SLC7A6OS: variants seen among roughly 807,000 people sequenced by gnomAD.
SLC7A6OS encodes solute carrier family 7 member 6 opposite strand, also known as probable RNA polymerase II nuclear localization protein SLC7A6OS.
A neutral mutation model predicts 34.3 loss-of-function variants in SLC7A6OS; 22 were observed. The observed-to-expected ratio is 0.64, with a 90% CI of 0.46 to 0.92. SLC7A6OS has a LOEUF of 0.92. Ranked by LOEUF, SLC7A6OS falls within the 40% of genes least tolerant of loss-of-function variation. The pLI is 0.00. For synonymous variants in SLC7A6OS, 199 were observed against 165.0 expected (o/e 1.21, Z -1.58); for missense variants, 434 against 407.7 (o/e 1.06, Z -0.56).
Position 68,300,774 on chromosome 16 carries a change from T to G in SLC7A6OS, c.*501A>C. On this transcript the variant is annotated 3_prime_UTR_variant, in exon 5 of 5. Transcript: ENST00000263997. ...AACTAAAATCTCCCACTGCTCAGACTACTTTCTGCCCTAATGGCCATTACT... is the reference window on the plus strand; with the variant it reads ...AACTAAAATCTCCCACTGCTCAGACGACTTTCTGCCCTAATGGCCATTACT... The G allele has an allele frequency of 1.0e-6, 1 of 985,424 alleles. No homozygotes were observed. The highest frequency in any genetic ancestry group is 4.7e-5 in the South Asian group (1 of 21,292). 61.0% of individuals were successfully genotyped at this position (985,424 alleles called of 1,614,324 possible).
rs372855610 is a variant in SLC7A6OS, at chr16:68,310,858, A to G, written c.69T>C (p.Leu23=). 94 of 1,612,190 alleles carry G rather than the reference A, an allele frequency of 5.8e-5. No homozygotes were observed. Among genetic ancestry groups the G allele is most frequent in the Non-Finnish European group, 7.7e-5 (91 of 1,179,632 alleles). ...RKRSAEPAEA[L]VLACKRLRSD... ...TCCGGAGGCGTTTACAAGCGAGCACAAGAGCCTCCGCCGGCTCCGCACTGC... is the reference window on the plus strand; with the variant it reads ...TCCGGAGGCGTTTACAAGCGAGCACGAGAGCCTCCGCCGGCTCCGCACTGC... Residue 23 remains leucine, a synonymous_variant, in exon 1 of 5, where the codon CTT becomes CTC. Coordinates refer to ENST00000263997, the MANE Select transcript of SLC7A6OS (RefSeq NM_032178.3).
chr16:68,300,015 A>C lies in SLC7A6OS; in HGVS notation c.*1260T>G, dbSNP rs995963706. 2 of 152,204 alleles carry C rather than the reference A, an allele frequency of 1.3e-5. No individual in the cohort carries two copies. The highest frequency in any genetic ancestry group is 4.8e-5 in the African/African-American group (2 of 41,430). 9.4% of individuals were successfully genotyped at this position (152,204 alleles called of 1,614,324 possible). On this transcript the variant is annotated 3_prime_UTR_variant, in exon 5 of 5. Transcript: ENST00000263997. ...GGAAATCCTAAAAGAGGCGGCAAGA[A>C]GGTACCTCCCTGTGTAACTCACCTT... is the stretch of plus-strand genomic sequence containing the variant.
At chr16:68,303,941 G>T (rs754274503) in intron 3 of SLC7A6OS, 85 bp downstream of exon 3, 115 of 1,219,644 alleles carry the variant, frequency 9.4e-5, no homozygotes, top group Non-Finnish European at 1.3e-4. Flanking sequence ...TGTTGTTCGG[G>T]AGTGGAGCCC....
At chr16:68,310,664 G>A in intron 1 of SLC7A6OS, 51 bp from the exon 2 acceptor site, 1 of 1,580,758 alleles carries the variant, frequency 6.3e-7, no homozygotes, top group Non-Finnish European at 8.6e-7. Flanking sequence ...TTCGCGAGCG[G>A]GTCAGGGATC....
chr16:68,299,512 A>G lies in SLC7A6OS; in HGVS notation c.*1763T>C, dbSNP rs2043232556. The G allele has an allele frequency of 6.6e-6, 1 of 152,582 alleles. No homozygotes were observed. The allele number at this position is 152,582 out of a possible 1,614,324, so 9.5% of individuals were successfully genotyped here. A position where few individuals can be genotyped will look rare whatever the true frequency, so the allele number is the denominator to read the frequency against. ...TACAGCACTCAAGCTTCATGGTGGA[A>G]TTAATTTCTGCCAGCTCTTTGTTGT... On this transcript the variant is annotated 3_prime_UTR_variant, in exon 5 of 5. Coordinates refer to ENST00000263997, the MANE Select transcript of SLC7A6OS (RefSeq NM_032178.3).
chr16:68,310,284 T>C (rs570463026), intron 2 of SLC7A6OS, 51 bp downstream of exon 2: 3 of 1,520,724 alleles, frequency 2.0e-6, no homozygotes, highest in East Asian at 2.3e-5. Flanking sequence ...CCCAGTCTTC[T>C]TGCATTACCA....
At chr16:68,307,578 T>G (rs1289265273) in intron 2 of SLC7A6OS, among the ~76,000 whole-genome samples, 3 of 152,218 alleles carry the variant, frequency 2.0e-5, no homozygotes, top group South Asian at 2.1e-4. Context: ...TGGCTTTAGA[T>G]CCAAACAATA....
intron 2 of SLC7A6OS, among the ~76,000 whole-genome samples, chr16:68,306,657 AATT>A (rs756701901): frequency 7.2e-5 from 11 of 152,016 alleles, no homozygotes; most frequent in Non-Finnish European, 1.5e-4. Flanking sequence ...GAAGAAAAAT[AATT>A]ATTATTATTT....
In SLC7A6OS at chr16:68,302,202, C is replaced by A. The variant is rs373146392; in HGVS notation, c.799+179G>T. The A allele has an allele frequency of 4.6e-6, 3 of 654,796 alleles. No homozygotes were observed. The East Asian group carries it at 7.9e-5, about 17-fold the overall frequency. The allele number at this position is 654,796 out of a possible 1,614,324, so 40.6% of individuals were successfully genotyped here. ...ATCCAGGCCTGATGGATTATTACACCCCCAGGAGGCCCCTGGGAAACACTG... is the reference window on the plus strand; with the variant it reads ...ATCCAGGCCTGATGGATTATTACACACCCAGGAGGCCCCTGGGAAACACTG... On this transcript the variant is annotated intron_variant, in intron 4 of 4. Transcript: ENST00000263997.
intron 4 of SLC7A6OS, 32 bp from the exon 5 acceptor site, chr16:68,301,437 T>A: frequency 6.2e-7 from 1 of 1,603,424 alleles, no homozygotes; most frequent in Non-Finnish European, 8.5e-7. Context: ...GGATTCTAAA[T>A]GTGATTTTCC....
In SLC7A6OS at chr16:68,300,937, C is replaced by T; in HGVS notation, c.*338G>A. The T allele has an allele frequency of 9.9e-7, 1 of 1,007,514 alleles. No individual in the cohort carries two copies. The highest frequency in any genetic ancestry group is 1.2e-6 in the Non-Finnish European group (1 of 844,608). The allele number at this position is 1,007,514 out of a possible 1,614,324, so 62.4% of individuals were successfully genotyped here. On this transcript the variant is annotated 3_prime_UTR_variant, in exon 5 of 5. Coordinates refer to ENST00000263997, the MANE Select transcript of SLC7A6OS (RefSeq NM_032178.3). ...ACTGCTAATGAAATGGGAACCTCCC[C>T]CTCCCTTGTGGTTTCAGCACAGAAC...
At chr16:68,302,810 A>C (rs993954347) in intron 3 of SLC7A6OS, among the ~76,000 whole-genome samples, 3 of 152,200 alleles carry the variant, frequency 2.0e-5, no homozygotes, top group African/African-American at 7.2e-5. Context: ...ACCCAAGCGT[A>C]AGAGGTGCGG....
At position 68,310,740 on chromosome 16, in the gene SLC7A6OS, A is replaced by G. The variant is rs1276384236; in HGVS notation, c.187T>C (p.Ser63Pro). The G allele has an allele frequency of 1.2e-6, 2 of 1,607,044 alleles. No homozygotes were observed. The highest frequency in any genetic ancestry group is 1.7e-6 in the Non-Finnish European group (2 of 1,175,210). Reference sequence around the variant, plus strand: ...AGCTGCACCACGCCCAATACCTGGGAGCACACAGTGGCCACCAAGTGGAAG... The same window carrying G: ...AGCTGCACCACGCCCAATACCTGGGGGCACACAGTGGCCACCAAGTGGAAG... ...NVFHLVATVC[S>P]QEEPVQPLLR... The change falls in exon 1 of 5, where the codon TCC becomes CCC. Residue 63 changes from serine (S) to proline (P), a missense_variant. Ser to Pro is a moderately conservative substitution (Grantham distance 74). Coordinates refer to ENST00000263997, the MANE Select transcript of SLC7A6OS (RefSeq NM_032178.3).
intron 2 of SLC7A6OS, among the ~76,000 whole-genome samples, chr16:68,308,593 C>G (rs2043343701): frequency 6.6e-6 from 1 of 152,112 alleles, no homozygotes; most frequent in Admixed American, 6.5e-5. Flanking sequence ...CGCCACTGCA[C>G]TACAGCCTGG....
At chr16:68,305,721 C>T (rs994187410) in intron 2 of SLC7A6OS, among the ~76,000 whole-genome samples, 2 of 152,188 alleles carry the variant, frequency 1.3e-5, no homozygotes, top group Admixed American at 1.3e-4. Flanking sequence ...AAAGTTCTGG[C>T]TCCAACCCCT....
At chr16:68,304,833 T>C (rs2151240429) in intron 2 of SLC7A6OS, among the ~76,000 whole-genome samples, 1 of 152,300 alleles carries the variant, frequency 6.6e-6, no homozygotes, top group South Asian at 2.1e-4. Context: ...GACAGCTTGC[T>C]TGAGCCCAGA....
chr16:68,302,925 A>G (rs958589502), intron 3 of SLC7A6OS, among the ~76,000 whole-genome samples: 1 of 152,250 alleles, frequency 6.6e-6, no homozygotes, highest in African/African-American at 2.4e-5. Context: ...TAGTCTGAGC[A>G]TGACCATTAG....
At position 68,298,578 on chromosome 16, in the gene SLC7A6OS, TG is replaced by T. The variant is rs1343616026; in HGVS notation, c.*2696del. 2 of 152,300 alleles carry T rather than the reference TG, an allele frequency of 1.3e-5. No individual in the cohort carries two copies. The highest frequency in any genetic ancestry group is 2.4e-5 in the African/African-American group (1 of 41,450). The allele number at this position is 152,300 out of a possible 1,614,324, so 9.4% of individuals were successfully genotyped here. On this transcript the variant is annotated 3_prime_UTR_variant, in exon 5 of 5. Transcript: ENST00000263997. ...CAGCCTCCCCTTCCCCGAGGTGTGGTGGCTGCAGTCTCAGGAAGAGCTTGGT... is the reference window on the plus strand; with the variant it reads ...CAGCCTCCCCTTCCCCGAGGTGTGGTGCTGCAGTCTCAGGAAGAGCTTGGT...
chr16:68,302,274 G>A lies in SLC7A6OS; in HGVS notation c.799+107C>T, dbSNP rs1007562094. 20 of 1,370,392 alleles carry A rather than the reference G, an allele frequency of 1.5e-5. No homozygotes were observed. The Admixed American group carries it at 1.9e-4, about 13-fold the overall frequency. The allele number at this position is 1,370,392 out of a possible 1,614,324, so 84.9% of individuals were successfully genotyped here. A position where few individuals can be genotyped will look rare whatever the true frequency, so the allele number is the denominator to read the frequency against. ...TGGCTCAGTTGCGGCTGGGCTGCTG[G>A]CGCTCAATGACAGAGAAGGAAAGGC... On this transcript the variant is annotated intron_variant, in intron 4 of 4. Transcript: ENST00000263997.
Sources: allele counts gnomAD v4.1 joint callset (sites outside exome capture counted in the v4.1 genomes callset), GRCh38; gene constraint gnomAD v4.1.1; transcripts MANE v1.5; gene names NCBI Gene and HGNC (gene_info 2026-07-23, HGNC 2026-07-21).